Variants in FN1 observed in about 807,000 individuals in gnomAD.
The protein encoded by FN1 is fibronectin 1.
FN1 carries 106 observed loss-of-function variants against 297.3 expected under a neutral mutation model. The observed-to-expected ratio is 0.36, with a 90% CI of 0.30 to 0.42. The LOEUF (loss-of-function observed/expected upper bound fraction) is 0.42, where lower values mean the gene tolerates loss of function less well. FN1 is among the 10% of genes least tolerant of loss of function. The pLI, the probability that FN1 is intolerant of heterozygous loss-of-function variation, is 1.00. For missense variants in FN1, 2,690 were observed against 3,124.9 expected (o/e 0.86, Z 3.32); for synonymous variants, 1,149 against 1,152.6 (o/e 1.00, Z 0.06).
At chr2:215,380,461 T>C (rs2058049694) in intron 33 of FN1, 3 of 290,522 alleles carry the variant, frequency 1.0e-5, no homozygotes, top group Admixed American at 4.8e-5. Flanking sequence ...GGTTCCTTTT[T>C]ATAAGTAAGC....
intron 18 of FN1, 29 bp downstream of exon 18, chr2:215,407,098 C>G: frequency 1.3e-6 from 2 of 1,545,342 alleles, no homozygotes; most frequent in Non-Finnish European, 1.8e-6. Flanking sequence ...GATAAGATAA[C>G]ATAGGAAGTG....
Position 215,375,252 on chromosome 2 carries a change from G to C in FN1, c.6119C>G (p.Pro2040Arg), listed in dbSNP as rs774181732. The C allele has an allele frequency of 4.3e-6, 7 of 1,614,014 alleles. No homozygotes were observed. In the Admixed American group the frequency reaches 1.2e-4, roughly 27 times the overall value. Reference protein sequence around the residue: ...KPGSPPREVVPRPRPGVTEAT... With the variant: ...KPGSPPREVVRRPRPGVTEAT... ...CTCTGTGACACCAGGGCGGGGCCGA[G>C]GGACCACTTCTCTGGGAGGAGACCC... is the stretch of plus-strand genomic sequence containing the variant. Residue 2040 changes from proline (P) to arginine (R), a missense_variant, in exon 38 of 46, where the codon CCT becomes CGT. This residue lies in a region of FN1 where 1,743 missense variants were observed against 1,945.2 expected (regional missense o/e 0.90). Transcript: ENST00000354785.
chr2:215,434,630 G>A (rs935207877), intron 2 of FN1, 66 bp downstream of exon 2: 2 of 1,579,104 alleles, frequency 1.3e-6, no homozygotes, highest in African/African-American at 2.7e-5. Flanking sequence ...ACTTACTAAT[G>A]CAAAGTTTAA....
intron 3 of FN1, among the ~76,000 whole-genome samples, chr2:215,432,674 T>C (rs956240391): frequency 6.6e-6 from 1 of 152,210 alleles, no homozygotes; most frequent in Non-Finnish European, 1.5e-5. Flanking sequence ...ACTATCTTAA[T>C]AGAATCTATT....
At position 215,425,187 on chromosome 2, in the gene FN1, C is replaced by T. The variant is rs1462168535; in HGVS notation, c.943G>A (p.Val315Ile). ...AGCCACTGCATCCCCACAGAGTAGA[C>T]CACACCACTGTCTGTGACACAGTGG... ...YGHCVTDSGVVYSVGMQWLKT... is the reference protein window; with the variant it reads ...YGHCVTDSGVIYSVGMQWLKT... The change falls in exon 7 of 46, where the codon GTC (valine) becomes ATC (isoleucine). Residue 315 changes from valine (V) to isoleucine (I), a missense_variant. Physicochemically the swap from Val to Ile is conservative, Grantham distance 29. Transcript: ENST00000354785. 6.2e-7 allele frequency: 1 copy of T among 1,614,038 alleles called. No homozygotes were observed. The highest frequency in any genetic ancestry group is 1.7e-5 in the Admixed American group (1 of 60,008).
chr2:215,401,987 G>T (rs2061231851), intron 20 of FN1, among the ~76,000 whole-genome samples: 1 of 151,942 alleles, frequency 6.6e-6, no homozygotes, highest in South Asian at 2.1e-4. Flanking sequence ...ATGCCTTTTA[G>T]TACCTCTGAA....
At chr2:215,400,060 T>C (rs1368614061) in intron 20 of FN1, among the ~76,000 whole-genome samples, 1 of 152,018 alleles carries the variant, frequency 6.6e-6, no homozygotes, top group Admixed American at 6.6e-5. Context: ...TGGTGGCTCA[T>C]GCCTGTAGTC....
At chr2:215,363,352 A>G (rs77788018) in intron 44 of FN1, 28 of 151,824 alleles carry the variant, frequency 1.8e-4, no homozygotes, top group Admixed American at 6.6e-4. Context: ...AGGTCATACA[A>G]TCACAGTCGT....
chr2:215,386,045 G>C (rs1448282865), intron 28 of FN1, among the ~76,000 whole-genome samples: 1 of 148,074 alleles, frequency 6.8e-6, no homozygotes, highest in Non-Finnish European at 1.5e-5. Context: ...CAAAGTGCTG[G>C]GATTACAAGC....
intron 36 of FN1, among the ~76,000 whole-genome samples, chr2:215,376,266 C>G (rs934210304): frequency 6.6e-6 from 1 of 152,152 alleles, no homozygotes; most frequent in African/African-American, 2.4e-5. Flanking sequence ...GATGGAAGAT[C>G]AAACTTGTTG....
rs10524797 is a variant in FN1 at position 215,412,760 on chromosome 2, CT to C, written c.1941+2076del. Among the ~76,000 whole-genome samples the C allele has an allele frequency of 8.4e-3, 815 of 97,552 alleles. 9 individuals carry two copies. The highest frequency in any genetic ancestry group is 0.029 in the African/African-American group (677 of 23,306). 64.0% of individuals were successfully genotyped at this position (97,552 alleles called of 152,430 possible). ...TAATTTAAAGTATTATATTAAGTATCTTTTTTTTTTTTTTTTTTTTTTACTT... is the reference window on the plus strand; with the variant it reads ...TAATTTAAAGTATTATATTAAGTATCTTTTTTTTTTTTTTTTTTTTTACTT... On this transcript the variant is annotated intron_variant, in intron 13 of 45. Coordinates refer to ENST00000354785, the MANE Select transcript of FN1 (RefSeq NM_212482.4).
intron 43 of FN1, 142 bp from the exon 44 acceptor site, chr2:215,365,127 C>G: frequency 1.4e-6 from 1 of 714,416 alleles, no homozygotes; most frequent in Admixed American, 2.0e-5. Flanking sequence ...TCCCTAAGAG[C>G]AGTACTGCTA....
At chr2:215,397,626 C>T (rs751751850) in intron 22 of FN1, 54 bp downstream of exon 22, 303 of 1,517,674 alleles carry the variant, frequency 2.0e-4, no homozygotes, top group Middle Eastern at 7.2e-4. Flanking sequence ...TAGCTTTTTT[C>T]GAAAAGTAGA....
Position 215,409,574 on chromosome 2 carries a change from G to C in FN1, c.2288C>G (p.Pro763Arg). The C allele has an allele frequency of 6.2e-7, 1 of 1,613,404 alleles. No individual in the cohort carries two copies. The highest frequency in any genetic ancestry group is 1.1e-5 in the South Asian group (1 of 91,038). The part of the protein sequence containing the change: ...EYELSEEGDE[P>R]QYLDLPSTAT... ...CATATTGAGCTTACCCAGGTACTGTGGCTCATCTCCCTCCTCACTCAGCTC... is the reference window on the plus strand; with the variant it reads ...CATATTGAGCTTACCCAGGTACTGTCGCTCATCTCCCTCCTCACTCAGCTC... Residue 763 changes from proline (P) to arginine (R), a missense_variant, in exon 15 of 46, where the codon CCA becomes CGA. Pro to Arg is a moderately radical substitution (Grantham distance 103). Around this residue, in one of 3 missense-constraint regions of FN1, gnomAD observed 876 missense variants for 1,058.1 expected, o/e 0.83. Transcript: ENST00000354785.
At position 215,385,802 on chromosome 2, in the gene FN1, A is replaced by G. The variant is rs1169372763; in HGVS notation, c.4613-826T>C. Among the ~76,000 whole-genome samples, 6 of 141,068 alleles carry G rather than the reference A, an allele frequency of 4.3e-5. 1 individual carries two copies. Among genetic ancestry groups the G allele is most frequent in the African/African-American group, 1.6e-4 (6 of 37,564 alleles). 92.5% of individuals were successfully genotyped at this position (141,068 alleles called of 152,430 possible). A position where few individuals can be genotyped will look rare whatever the true frequency, so the allele number is the denominator to read the frequency against. ...CCTTTTTTTTTTTTTTTTTTGAGAC[A>G]GAGTCTCCCTCTGTCACCAGGCTGG... is the stretch of plus-strand genomic sequence containing the variant. On this transcript the variant is annotated intron_variant, in intron 28 of 45. Coordinates refer to ENST00000354785, the MANE Select transcript of FN1 (RefSeq NM_212482.4).
chr2:215,372,443 A>C, intron 39 of FN1, 68 bp from the exon 40 acceptor site: 1 of 1,160,742 alleles, frequency 8.6e-7, no homozygotes, highest in Non-Finnish European at 1.3e-6. Context: ...AGCAATGATA[A>C]TAATCGATTC....
intron 43 of FN1, 46 bp from the exon 44 acceptor site, chr2:215,365,031 A>T: frequency 8.1e-7 from 1 of 1,232,596 alleles, no homozygotes; most frequent in Non-Finnish European, 1.2e-6. Context: ...TGAGAACAAT[A>T]CTGCAGACTT....
At chr2:215,415,908 T>C (rs1308206895) in intron 12 of FN1, among the ~76,000 whole-genome samples, 1 of 152,180 alleles carries the variant, frequency 6.6e-6, no homozygotes, top group Non-Finnish European at 1.5e-5. Context: ...TGTCAGTCAA[T>C]GTTTAAATTA....
rs767108818 is a variant in FN1, at chr2:215,423,350, C to A, written c.1393G>T (p.Ala465Ser). ...DQKFGFCPMAAHEEICTTNEG... is the reference protein window; with the variant it reads ...DQKFGFCPMASHEEICTTNEG... ...ACAACCCACAAGGGCTTCATCTTAC[C>A]AGCCATGGGGCAGAACCCAAACTTC... is the stretch of plus-strand genomic sequence containing the variant. Residue 465 changes from alanine (A) to serine (S), a missense_variant and splice_region_variant, in exon 9 of 46, where the codon GCC becomes TCC. Ala to Ser is a moderately conservative substitution (Grantham distance 99). Coordinates refer to ENST00000354785, the MANE Select transcript of FN1 (RefSeq NM_212482.4). 6.2e-7 allele frequency: 1 copy of A among 1,613,852 alleles called. No homozygotes were observed. The highest frequency in any genetic ancestry group is 8.5e-7 in the Non-Finnish European group (1 of 1,179,948).
Sources: allele counts gnomAD v4.1 joint callset (sites outside exome capture counted in the v4.1 genomes callset), GRCh38; gene constraint gnomAD v4.1.1; regional missense constraint gnomAD v4.1.1; transcripts MANE v1.5; gene names NCBI Gene and HGNC (gene_info 2026-07-23, HGNC 2026-07-21).